APC: variants seen among roughly 807,000 people sequenced by gnomAD.
APC encodes adenomatous polyposis coli protein.
In APC, 72 loss-of-function variants were observed where a neutral mutation model predicts 247.0. That is an observed-to-expected ratio of 0.29 (90% CI 0.24 to 0.35). APC has a LOEUF of 0.35. Ranked by LOEUF, APC falls within the 10% of genes least tolerant of loss-of-function variation. The pLI is 1.00. For synonymous variants in APC, 1,254 were observed against 1,162.5 expected (o/e 1.08, Z -1.60); for missense variants, 3,400 against 3,360.7 (o/e 1.01, Z -0.29).
chr5:112,741,867 C>G (rs1382762803), intron 1 of APC, among the ~76,000 whole-genome samples: 1 of 152,082 alleles, frequency 6.6e-6, no homozygotes, highest in Non-Finnish European at 1.5e-5. Flanking sequence ...TAAGAAAAAC[C>G]ATTTAATATT....
At chr5:112,801,874 A>T (rs1454438780) in intron 8 of APC, among the ~76,000 whole-genome samples, 7 of 152,150 alleles carry the variant, frequency 4.6e-5, no homozygotes, top group Non-Finnish European at 2.9e-5. Flanking sequence ...AAGTAAGGCA[A>T]CATGGCCTAA....
chr5:112,819,652 A>G (rs969196045), intron 10 of APC, among the ~76,000 whole-genome samples: 6 of 152,222 alleles, frequency 3.9e-5, no homozygotes, highest in Non-Finnish European at 8.8e-5. Flanking sequence ...TTCACTTCAT[A>G]GCTGAAGCTC....
Position 112,839,210 on chromosome 5 carries a change from A to G in APC, c.3616A>G (p.Ser1206Gly), listed in dbSNP as rs901866497. ...SFSKSSSGQS[S>G]KTEHMSSSSE... ...CTCAAAGAGTTCATCTGGACAAAGC[A>G]GTAAAACCGAACATATGTCTTCAAG... The change falls in exon 16 of 16, where the codon AGT (serine) becomes GGT (glycine). Residue 1206 changes from serine to glycine, a missense_variant. Around this residue, in one of 9 missense-constraint regions of APC, gnomAD observed 715 missense variants for 656.6 expected, o/e 1.09. Coordinates refer to ENST00000257430, the MANE Select transcript of APC (RefSeq NM_000038.6). This position sits in a 1 kb window ranked among gnomAD's most constrained non-coding sequence, Gnocchi z 5.0. The G allele has an allele frequency of 6.2e-7, 1 of 1,614,212 alleles. No individual in the cohort carries two copies. Among genetic ancestry groups the G allele is most frequent in the African/African-American group, 1.3e-5 (1 of 75,072 alleles).
At chr5:112,829,067 C>T in intron 14 of APC, 95 bp downstream of exon 14, 2 of 873,252 alleles carry the variant, frequency 2.3e-6, no homozygotes, top group Non-Finnish European at 3.9e-6. Context: ...AATTTCTTAC[C>T]TGTGTATTAT....
intron 1 of APC, among the ~76,000 whole-genome samples, chr5:112,710,754 A>C (rs1278159703): frequency 6.6e-6 from 1 of 152,186 alleles, no homozygotes; most frequent in Non-Finnish European, 1.5e-5. Flanking sequence ...TGGGTTTTTG[A>C]AGTCTTTTAA....
chr5:112,761,962 A>G (rs1755721447), intron 2 of APC, among the ~76,000 whole-genome samples: 1 of 152,238 alleles, frequency 6.6e-6, no homozygotes. Flanking sequence ...ATAGAGGAGA[A>G]AATATTTGCA....
intron 4 of APC, among the ~76,000 whole-genome samples, chr5:112,770,688 A>G (rs1700997664): frequency 6.6e-6 from 1 of 152,116 alleles, no homozygotes; most frequent in Non-Finnish European, 1.5e-5. Flanking sequence ...ATTTCCCATG[A>G]GATAGTTACT....
At position 112,839,990 on chromosome 5, in the gene APC, G is replaced by A. The variant is rs1765672840; in HGVS notation, c.4396G>A (p.Gly1466Arg). ...ACCTACTGCTGAAAAGAGAGAGAGT[G>A]GACCTAAGCAAGCTGCAGTAAATGC... ...KAPTAEKRES[G>R]PKQAAVNAAV... is the part of the protein sequence containing the mutation. Residue 1466 changes from glycine to arginine, a missense_variant, in exon 16 of 16, where the codon GGA (glycine) becomes AGA (arginine). This residue lies in a region of APC where 1,788 missense variants were observed against 1,649.5 expected (regional missense o/e 1.08). Coordinates refer to ENST00000257430, the MANE Select transcript of APC (RefSeq NM_000038.6). This position sits in a 1 kb window ranked among gnomAD's most constrained non-coding sequence, Gnocchi z 5.0. 1 of 1,613,958 alleles carries A rather than the reference G, an allele frequency of 6.2e-7. No homozygotes were observed. The highest frequency in any genetic ancestry group is 8.5e-7 in the Non-Finnish European group (1 of 1,180,034).
chr5:112,768,042 T>C (rs900312792), intron 4 of APC, among the ~76,000 whole-genome samples: 6 of 150,814 alleles, frequency 4.0e-5, no homozygotes, highest in Non-Finnish European at 8.9e-5. Context: ...TAAGACTCTT[T>C]CTTTTTTTTT....
intron 2 of APC, among the ~76,000 whole-genome samples, chr5:112,757,828 T>C (rs1367160019): frequency 6.6e-6 from 1 of 152,232 alleles, no homozygotes; most frequent in Non-Finnish European, 1.5e-5. Flanking sequence ...TATGTGTCTT[T>C]GTAGCAGCCA....
intron 11 of APC, among the ~76,000 whole-genome samples, chr5:112,823,555 A>G (rs1026741565): frequency 2.0e-5 from 3 of 152,216 alleles, no homozygotes; most frequent in African/African-American, 4.8e-5. Context: ...AGAAATCCCA[A>G]ATAGGTAAAG....
chr5:112,821,691 T>C (rs1763144430), intron 10 of APC, among the ~76,000 whole-genome samples: 1 of 152,170 alleles, frequency 6.6e-6, no homozygotes, highest in South Asian at 2.1e-4. Flanking sequence ...GTGGTAAACA[T>C]TTTTATGGAA....
At position 112,837,651 on chromosome 5, in the gene APC, A is replaced by G; in HGVS notation, c.2057A>G (p.Asn686Ser). The G allele has an allele frequency of 6.2e-7, 1 of 1,613,736 alleles. No homozygotes were observed. Among genetic ancestry groups the G allele is most frequent in the Non-Finnish European group, 8.5e-7 (1 of 1,179,656 alleles). Reference protein sequence around the residue: ...IVSNACGTLWNLSARNPKDQE... With the variant: ...IVSNACGTLWSLSARNPKDQE... Reference sequence around the variant, plus strand: ...AGTAATGCATGTGGAACTTTGTGGAATCTCTCAGCAAGAAATCCTAAAGAC... The same window carrying G: ...AGTAATGCATGTGGAACTTTGTGGAGTCTCTCAGCAAGAAATCCTAAAGAC... Residue 686 changes from asparagine (N) to serine (S), a missense_variant, in exon 16 of 16, where the codon AAT becomes AGT. Physicochemically the swap from Asn to Ser is conservative, Grantham distance 46 (BLOSUM62 1). This residue lies in a region of APC where 184 missense variants were observed against 248.0 expected (regional missense o/e 0.74). Coordinates refer to ENST00000257430, the MANE Select transcript of APC (RefSeq NM_000038.6).
At chr5:112,709,675 A>G (rs760847052) in intron 1 of APC, among the ~76,000 whole-genome samples, 18 of 152,126 alleles carry the variant, frequency 1.2e-4, no homozygotes, top group African/African-American at 1.7e-4. Flanking sequence ...GCCAAAGCGC[A>G]TGGATCGCAT....
rs373975906 is a variant in APC at position 112,781,549 on chromosome 5, A to G, written c.645+646A>G. 9.0e-4 allele frequency among the ~76,000 whole-genome samples: 137 copies of G among 152,280 alleles called. No homozygotes were observed. The South Asian group carries it at 9.1e-3, about 10-fold the overall frequency. On this transcript the variant is annotated intron_variant, in intron 6 of 15. Transcript: ENST00000257430. ...GCGTGGGTTGTTGTTTTCTTTTTTA[A>G]CTTTTGGGACAAATTGGGAGGAAAA...
chr5:112,768,722 C>T (rs1037512119), intron 4 of APC, among the ~76,000 whole-genome samples: 6 of 151,352 alleles, frequency 4.0e-5, no homozygotes, highest in Admixed American at 1.3e-4. Context: ...CCTATGGTAG[C>T]GTAGAACACA....
intron 1 of APC, among the ~76,000 whole-genome samples, chr5:112,743,537 A>G (rs1043547588): frequency 1.3e-5 from 2 of 152,238 alleles, no homozygotes; most frequent in African/African-American, 4.8e-5. Flanking sequence ...AGTATAATAT[A>G]TAATGATCAC....
chr5:112,736,921 CAAAG>C (rs1243650718), upstream of APC, among the ~76,000 whole-genome samples: 2 of 152,048 alleles, frequency 1.3e-5, no homozygotes, highest in Admixed American at 6.6e-5. Context: ...AAAAAACAAA[CAAAG>C]AAAACTTGAA....
chr5:112,726,306 G>A lies in APC; in HGVS notation c.165+18424G>A, dbSNP rs144639637. Among the ~76,000 whole-genome samples the A allele has an allele frequency of 3.0e-3, 458 of 152,304 alleles. 2 individuals carry two copies. Among genetic ancestry groups the A allele is most frequent in the African/African-American group, 0.01 (434 of 41,566 alleles). ...GAAGGATGAATGCATGGGTTTTATCGAGTTGTGGAGGTGGCTCTCAGTGAG... is the reference window on the plus strand; with the variant it reads ...GAAGGATGAATGCATGGGTTTTATCAAGTTGTGGAGGTGGCTCTCAGTGAG... On this transcript the variant is annotated intron_variant, in intron 1 of 13. Transcript: ENST00000507379.
Sources: gnomAD v4.1 joint callset for allele counts (sites outside exome capture counted in the v4.1 genomes callset) on GRCh38, gnomAD v4.1.1 for gene constraint, gnomAD v4.1.1 regional missense constraint, Gnocchi (gnomAD v3.1) non-coding constraint, MANE v1.5 for transcripts, NCBI Gene and HGNC (gene_info 2026-07-23, HGNC 2026-07-21) for gene names.